CPSF3: variants seen among roughly 807,000 people sequenced by gnomAD.
The protein encoded by CPSF3 is cleavage and polyadenylation specificity factor subunit 3.
In CPSF3, 57 loss-of-function variants were observed where a neutral mutation model predicts 84.1. That is an observed-to-expected ratio of 0.68 (90% CI 0.55 to 0.85). The LOEUF (loss-of-function observed/expected upper bound fraction) is 0.85, where lower values mean the gene tolerates loss of function less well. Among genes scored for constraint, CPSF3 ranks in the 40% least tolerant of loss-of-function variants. The pLI, the probability that CPSF3 is intolerant of heterozygous loss-of-function variation, is 0.00. For missense variants in CPSF3, 522 were observed against 838.8 expected (o/e 0.62, Z 4.66); for synonymous variants, 275 against 278.1 (o/e 0.99, Z 0.11).
At position 9,456,965 on chromosome 2, in the gene CPSF3, C is replaced by A. The variant is rs1558461807; in HGVS notation, c.1636C>A (p.Pro546Thr). The A allele has an allele frequency of 6.2e-7, 1 of 1,600,876 alleles. No homozygotes were observed. The highest frequency in any genetic ancestry group is 8.5e-7 in the Non-Finnish European group (1 of 1,172,460). The change falls in exon 14 of 18, where the codon CCT becomes ACT. Residue 546 changes from proline (P) to threonine (T), a missense_variant. Transcript: ENST00000238112. ...DVEELEIQEKPALKVFKNITV... is the reference protein window; with the variant it reads ...DVEELEIQEKTALKVFKNITV... Reference sequence around the variant, plus strand: ...GGAAGAATTAGAAATTCAAGAAAAACCTGCTCTGAAAGTGTTCAAAAATAT... The same window carrying A: ...GGAAGAATTAGAAATTCAAGAAAAAACTGCTCTGAAAGTGTTCAAAAATAT...
At chr2:9,454,142 G>A (rs1207655393) in intron 12 of CPSF3, among the ~76,000 whole-genome samples, 1 of 152,124 alleles carries the variant, frequency 6.6e-6, no homozygotes, top group Non-Finnish European at 1.5e-5. Flanking sequence ...CGGCACGGTG[G>A]CTCACGCCTG....
intron 15 of CPSF3, among the ~76,000 whole-genome samples, chr2:9,459,839 G>A (rs1451838513): frequency 6.6e-6 from 1 of 151,472 alleles, no homozygotes; most frequent in African/African-American, 2.4e-5. Flanking sequence ...TAGTAGAGGT[G>A]GGGTTTCACT....
chr2:9,454,747 T>C (rs1368848193), intron 12 of CPSF3, among the ~76,000 whole-genome samples: 1 of 151,882 alleles, frequency 6.6e-6, no homozygotes, highest in Non-Finnish European at 1.5e-5. Context: ...GGTTTCACCG[T>C]GTTAGCCAGG....
At position 9,448,193 on chromosome 2, in the gene CPSF3, T is replaced by C; in HGVS notation, c.1243-5T>C. The C allele has an allele frequency of 2.6e-6, 4 of 1,565,836 alleles. No homozygotes were observed. The highest frequency in any genetic ancestry group is 3.5e-6 in the Non-Finnish European group (4 of 1,144,202). On this transcript the variant is annotated splice_region_variant and splice_polypyrimidine_tract_variant and intron_variant, in intron 10 of 17. Coordinates refer to ENST00000238112, the MANE Select transcript of CPSF3 (RefSeq NM_016207.4). ...ATATATTCTTTTAACATTTATTCTA[T>C]GTAGATTTTAGTCCATGGAGAACAG...
intron 9 of CPSF3, 25 bp downstream of exon 9, chr2:9,442,001 T>G: frequency 6.2e-7 from 1 of 1,608,454 alleles, no homozygotes; most frequent in Non-Finnish European, 8.5e-7. Context: ...TAGGCTGTTG[T>G]GTTATTCCTA....
chr2:9,425,319 A>G (rs923101178), intron 1 of CPSF3, among the ~76,000 whole-genome samples: 1 of 152,230 alleles, frequency 6.6e-6, no homozygotes, highest in Non-Finnish European at 1.5e-5. Context: ...TATCAAGTCA[A>G]TTACAGGGAG....
chr2:9,433,867 A>G lies in CPSF3; in HGVS notation c.520-4A>G, dbSNP rs1311223747. The G allele has an allele frequency of 1.9e-6, 3 of 1,595,108 alleles. No homozygotes were observed. The highest frequency in any genetic ancestry group is 2.6e-6 in the Non-Finnish European group (3 of 1,169,576). Reference sequence around the variant, plus strand: ...CTAACTTTCTAGTTTTATCTTTTTCACAGCTTTTGTACACTGGTGATTTCT... The same window carrying G: ...CTAACTTTCTAGTTTTATCTTTTTCGCAGCTTTTGTACACTGGTGATTTCT... On this transcript the variant is annotated splice_region_variant and splice_polypyrimidine_tract_variant and intron_variant, in intron 5 of 17. Coordinates refer to ENST00000238112, the MANE Select transcript of CPSF3 (RefSeq NM_016207.4).
At chr2:9,443,264 A>G (rs1262343736) in intron 9 of CPSF3, among the ~76,000 whole-genome samples, 2 of 152,236 alleles carry the variant, frequency 1.3e-5, no homozygotes, top group Non-Finnish European at 2.9e-5. Flanking sequence ...TTCTAAGCAT[A>G]AGAGTTATGA....
intron 14 of CPSF3, among the ~76,000 whole-genome samples, chr2:9,458,821 T>C (rs1375822278): frequency 6.6e-6 from 1 of 151,960 alleles, no homozygotes; most frequent in Non-Finnish European, 1.5e-5. Flanking sequence ...TTTAAAAATA[T>C]TACCCTCTTG....
At chr2:9,456,566 C>T (rs975867314) in intron 13 of CPSF3, among the ~76,000 whole-genome samples, 2 of 152,142 alleles carry the variant, frequency 1.3e-5, no homozygotes, top group South Asian at 2.1e-4. Context: ...AGAATGTTGA[C>T]GCTTACGAAG....
intron 1 of CPSF3, among the ~76,000 whole-genome samples, chr2:9,425,675 T>C (rs2148931732): frequency 6.6e-6 from 1 of 151,890 alleles, no homozygotes; most frequent in Admixed American, 6.6e-5. Context: ...ACTCAAGGAG[T>C]ATAAGAGATG....
chr2:9,455,677 T>C lies in CPSF3; in HGVS notation c.1523T>C (p.Met508Thr), dbSNP rs1304846547. Residue 508 changes from methionine to threonine, a missense_variant, in exon 13 of 18, where the codon ATG becomes ACG. Met to Thr is a moderately conservative substitution (Grantham distance 81, BLOSUM62 -1). Transcript: ENST00000238112. ...TCTTCAGATTATACTGACCTGGCCA[T>C]GAGCACGGTGAAGCAGACCCAAGCC... is the stretch of plus-strand genomic sequence containing the variant. The part of the protein sequence containing the change: ...CDLSNYTDLA[M>T]STVKQTQAIP... 6.2e-7 allele frequency: 1 copy of C among 1,613,932 alleles called. No individual in the cohort carries two copies. The highest frequency in any genetic ancestry group is 8.5e-7 in the Non-Finnish European group (1 of 1,179,806).
intron 7 of CPSF3, among the ~76,000 whole-genome samples, chr2:9,438,585 G>A (rs950710827): frequency 4.7e-5 from 7 of 148,200 alleles, no homozygotes; most frequent in African/African-American, 7.5e-5. Context: ...GCGCGATCTC[G>A]GCTCACCACA....
chr2:9,444,885 C>G (rs1184987933), intron 10 of CPSF3, among the ~76,000 whole-genome samples: 1 of 152,074 alleles, frequency 6.6e-6, no homozygotes, highest in Admixed American at 6.5e-5. Context: ...AGGCTGTTCT[C>G]AAACTCCTGA....
At chr2:9,450,702 C>G (rs1024798154) in intron 11 of CPSF3, among the ~76,000 whole-genome samples, 3 of 152,048 alleles carry the variant, frequency 2.0e-5, no homozygotes, top group Non-Finnish European at 4.4e-5. Flanking sequence ...GCAGGAGAAT[C>G]GCTTGAACCT....
chr2:9,456,550 C>T (rs1490012050), intron 13 of CPSF3, among the ~76,000 whole-genome samples: 4 of 152,052 alleles, frequency 2.6e-5, no homozygotes, highest in African/African-American at 4.8e-5. Context: ...AATAGAATTC[C>T]GCTGTAGAAT....
At chr2:9,429,357 C>G (rs1479190894) in intron 2 of CPSF3, among the ~76,000 whole-genome samples, 5 of 152,226 alleles carry the variant, frequency 3.3e-5, no homozygotes, top group Non-Finnish European at 5.9e-5. Flanking sequence ...CCTTTGATTC[C>G]TCTTTCTTCT....
Position 9,459,507 on chromosome 2 carries a change from C to CTAA in CPSF3, c.1699-22_1699-20dup, listed in dbSNP as rs778070469. The CTAA allele has an allele frequency of 1.9e-6, 3 of 1,568,468 alleles. No homozygotes were observed. The South Asian group carries it at 3.3e-5, about 17-fold the overall frequency. ...TTGGTCACCCTAGGTAGGTCACTTCCTAATTCTGCCTTTTGCTTTCCAGTG... is the reference window on the plus strand; with the variant it reads ...TTGGTCACCCTAGGTAGGTCACTTCCTAATAATTCTGCCTTTTGCTTTCCAGTG... On this transcript the variant is annotated intron_variant, in intron 14 of 17. Transcript: ENST00000238112.
chr2:9,431,121 A>G (rs1193446400), intron 4 of CPSF3, among the ~76,000 whole-genome samples: 1 of 152,180 alleles, frequency 6.6e-6, no homozygotes, highest in African/African-American at 2.4e-5. Flanking sequence ...CAGTGGTGTG[A>G]TCACAGCTCA....
Sources: allele counts gnomAD v4.1 joint callset (sites outside exome capture counted in the v4.1 genomes callset), GRCh38; gene constraint gnomAD v4.1.1; transcripts MANE v1.5; gene names NCBI Gene and HGNC (gene_info 2026-07-23, HGNC 2026-07-21).